The following ADAM22 variants were observed in gnomAD, a reference collection of about 807,000 sequenced individuals.
ADAM22 encodes disintegrin and metalloproteinase domain-containing protein 22.
ADAM22 carries 65 observed loss-of-function variants against 144.6 expected under a neutral mutation model. That is an observed-to-expected ratio of 0.45 (90% confidence interval 0.37 to 0.55). The LOEUF is 0.55. Ranked by LOEUF, ADAM22 falls within the 20% of genes least tolerant of loss-of-function variation. The probability of loss-of-function intolerance (pLI) is 0.00; values close to 1 mark genes in which losing one functional copy is unlikely to be tolerated. For missense variants in ADAM22, 974 were observed against 1,184.9 expected, an observed-to-expected ratio of 0.82 and a Z score of 2.61; for synonymous variants, 391 against 412.6, an observed-to-expected ratio of 0.95 and a Z score of 0.63.
chr7:87,950,064 C>A (rs1844666120), intron 2 of ADAM22, among the ~76,000 whole-genome samples: 2 of 151,958 alleles, frequency 1.3e-5, no homozygotes, highest in African/African-American at 4.8e-5. Context: ...AGAACAGGCA[C>A]ATTAGTATAA....
At chr7:88,013,217 A>T (rs928819096) in intron 3 of ADAM22, among the ~76,000 whole-genome samples, 1 of 152,044 alleles carries the variant, frequency 6.6e-6, no homozygotes, top group Non-Finnish European at 1.5e-5. Context: ...ATTATTCTCT[A>T]TGTTCACCTG....
chr7:88,113,703 A>AATAAATAAATAAATATAT (rs1554478726), intron 5 of ADAM22, among the ~76,000 whole-genome samples: 50 of 48,096 alleles, frequency 1.0e-3, no homozygotes, highest in East Asian at 5.6e-3. Context: ...TAAATAAATA[A>AATAAATAAATAAATATAT]ATATATATAT....
At chr7:88,051,585 A>T (rs1806409809) in intron 3 of ADAM22, among the ~76,000 whole-genome samples, 1 of 152,124 alleles carries the variant, frequency 6.6e-6, no homozygotes, top group Admixed American at 6.6e-5. Context: ...TAGCATTAGG[A>T]GATATACCTA....
rs61753551 is a variant in ADAM22, at chr7:88,125,659, G to A, written c.678G>A (p.Gln226=). Reference sequence around the variant, plus strand: ...CAAGACCAAAAAGGAGTAAACGGCAGGTATGTATTCACAGTGGTGTGTCGT... The same window carrying A: ...CAAGACCAAAAAGGAGTAAACGGCAAGTATGTATTCACAGTGGTGTGTCGT... ...LKPRPKRSKR[Q]LRRYPRNVEE... is the part of the protein sequence containing the mutation. The change falls in exon 8 of 32, where the codon CAG becomes CAA. Residue 226 remains glutamine (Q), a splice_region_variant and synonymous_variant. Transcript: ENST00000413139. 827 of 1,589,416 alleles carry A rather than the reference G, an allele frequency of 5.2e-4. 6 individuals are homozygous for A. The African/African-American group carries it at 0.01, about 19-fold the overall frequency.
rs2129541997 is a variant in ADAM22 at position 88,198,295 on chromosome 7, T to C, written c.*1804T>C. 1 of 152,360 alleles carries C rather than the reference T, an allele frequency of 6.6e-6. No individual in the cohort carries two copies. The highest frequency in any genetic ancestry group is 1.9e-4 in the East Asian group (1 of 5,182). 9.4% of individuals were successfully genotyped at this position (152,360 alleles called of 1,614,324 possible). A position where few individuals can be genotyped will look rare whatever the true frequency, so the allele number is the denominator to read the frequency against. Reference sequence around the variant, plus strand: ...TACTGTGTGTTTATGTCTTCTGTAATGGACCTCTCTTTTGAAAGTCTTTGA... The same window carrying C: ...TACTGTGTGTTTATGTCTTCTGTAACGGACCTCTCTTTTGAAAGTCTTTGA... On this transcript the variant is annotated 3_prime_UTR_variant, in exon 32 of 32. Transcript: ENST00000413139.
At chr7:87,948,782 C>T in intron 2 of ADAM22, among the ~76,000 whole-genome samples, 1 of 152,082 alleles carries the variant, frequency 6.6e-6, no homozygotes, top group East Asian at 1.9e-4. Flanking sequence ...GATTGGGGCG[C>T]CGATAACTTG....
intron 3 of ADAM22, among the ~76,000 whole-genome samples, chr7:88,068,035 A>G (rs952782662): frequency 2.6e-5 from 4 of 152,176 alleles, no homozygotes; most frequent in Non-Finnish European, 5.9e-5. Context: ...CACTCATTAC[A>G]TGCTGAGGGT....
At chr7:88,138,870 C>T (rs1009218893) in intron 14 of ADAM22, among the ~76,000 whole-genome samples, 11 of 152,314 alleles carry the variant, frequency 7.2e-5, no homozygotes, top group African/African-American at 2.4e-4. Context: ...TTCAACTGTT[C>T]ATATATTTTA....
At chr7:88,070,910 G>A (rs1231405638) in intron 3 of ADAM22, among the ~76,000 whole-genome samples, 1 of 152,144 alleles carries the variant, frequency 6.6e-6, no homozygotes, top group Non-Finnish European at 1.5e-5. Flanking sequence ...AGAGATGTGA[G>A]GAGAGAGATT....
rs779920389 is a variant in ADAM22, at chr7:87,934,523, T to G, written c.58T>G (p.Cys20Gly). Residue 20 changes from cysteine to glycine, a missense_variant, in exon 1 of 32, where the codon TGC (cysteine) becomes GGC (glycine). Coordinates refer to ENST00000413139, the MANE Select transcript of ADAM22 (RefSeq NM_001324418.2). ...PFLLLCVLGT[C>G]PPARCGQAGD... ...CTTGCTGCTCTGTGTCCTGGGGACC[T>G]GCCCTCCGGCGCGCTGCGGCCAGGC... 2.5e-6 allele frequency: 4 copies of G among 1,609,080 alleles called. No homozygotes were observed. In the Admixed American group the frequency reaches 5.0e-5, roughly 20 times the overall value.
intron 3 of ADAM22, among the ~76,000 whole-genome samples, chr7:88,048,375 G>T (rs762858251): frequency 1.4e-4 from 21 of 152,172 alleles, no homozygotes; most frequent in Non-Finnish European, 2.4e-4. Context: ...TTTCTTAGGA[G>T]AGGCATTTTG....
At chr7:88,173,564 A>G (rs1366783376) in intron 26 of ADAM22, among the ~76,000 whole-genome samples, 4 of 152,124 alleles carry the variant, frequency 2.6e-5, no homozygotes, top group Non-Finnish European at 5.9e-5. Context: ...TGGTAAGGCC[A>G]ACAGACCAAA....
chr7:88,078,485 A>G (rs1815362242), intron 4 of ADAM22, among the ~76,000 whole-genome samples: 1 of 152,270 alleles, frequency 6.6e-6, no homozygotes, highest in African/African-American at 2.4e-5. Flanking sequence ...CAACGGAACA[A>G]AGCTGGACGG....
At chr7:87,968,576 C>G (rs1256668423) in intron 2 of ADAM22, among the ~76,000 whole-genome samples, 2 of 152,020 alleles carry the variant, frequency 1.3e-5, no homozygotes, top group Non-Finnish European at 2.9e-5. Context: ...ATAGAAATAG[C>G]TGAGTATGGT....
chr7:87,937,502 C>G (rs1001686271), intron 2 of ADAM22, among the ~76,000 whole-genome samples: 1 of 152,178 alleles, frequency 6.6e-6, no homozygotes, highest in Non-Finnish European at 1.5e-5. Flanking sequence ...AACCTGGAAA[C>G]TCACAGAATC....
intron 2 of ADAM22, among the ~76,000 whole-genome samples, chr7:87,944,075 C>G (rs1842981036): frequency 6.6e-6 from 1 of 151,908 alleles, no homozygotes; most frequent in African/African-American, 2.4e-5. Context: ...ACCACTTATT[C>G]TGCTTCACAC....
At chr7:88,170,279 A>G (rs868203152) in intron 25 of ADAM22, among the ~76,000 whole-genome samples, 10 of 152,172 alleles carry the variant, frequency 6.6e-5, no homozygotes, top group Middle Eastern at 3.4e-3. Flanking sequence ...GTTTAGGAAT[A>G]TAGTGGGAAT....
intron 4 of ADAM22, among the ~76,000 whole-genome samples, chr7:88,106,119 T>G (rs138262454): frequency 9.5e-4 from 145 of 152,282 alleles, no homozygotes; most frequent in African/African-American, 3.3e-3. Flanking sequence ...ATGAAGTCAG[T>G]GCCCCATGTT....
At chr7:88,070,112 T>G (rs1162141691) in intron 3 of ADAM22, among the ~76,000 whole-genome samples, 3 of 152,122 alleles carry the variant, frequency 2.0e-5, no homozygotes, top group Non-Finnish European at 4.4e-5. Flanking sequence ...GTGGTTCCAG[T>G]GATATAATTC....
Sources: allele counts gnomAD v4.1 joint callset (sites outside exome capture counted in the v4.1 genomes callset), GRCh38; gene constraint gnomAD v4.1.1; transcripts MANE v1.5; gene names NCBI Gene and HGNC (gene_info 2026-07-23, HGNC 2026-07-21).